ROBO1: variants seen among roughly 807,000 people sequenced by gnomAD.
ROBO1 encodes roundabout homolog 1.
Under a neutral mutation model 195.9 loss-of-function variants are expected in ROBO1, and 149 were observed. The observed-to-expected ratio is 0.76, with a 90% CI of 0.67 to 0.87. ROBO1 has a LOEUF of 0.87. Among genes scored for constraint, ROBO1 ranks in the 40% least tolerant of loss-of-function variants. The pLI is 0.00. For missense variants in ROBO1, 1,933 were observed against 2,068.3 expected (o/e 0.93, Z 1.27); for synonymous variants, 816 against 733.2 (o/e 1.11, Z -1.82).
chr3:79,433,842 A>C (rs1016041643), intron 2 of ROBO1, among the ~76,000 whole-genome samples: 3 of 152,206 alleles, frequency 2.0e-5, no homozygotes, highest in Non-Finnish European at 4.4e-5. Context: ...TGGTACTGGT[A>C]CCAAAACAGA....
In ROBO1 at chr3:79,441,400, T is replaced by C. The variant is rs181786574; in HGVS notation, c.88+148424A>G. Among the ~76,000 whole-genome samples the C allele has an allele frequency of 2.2e-3, 340 of 152,300 alleles. 1 individual carries two copies. The highest frequency in any genetic ancestry group is 7.7e-3 in the African/African-American group (320 of 41,588). ...TCTGTGTCTGTGTGATTTCAAACTATGTATTTCTGTATGGCGGCACTATTA... is the reference window on the plus strand; with the variant it reads ...TCTGTGTCTGTGTGATTTCAAACTACGTATTTCTGTATGGCGGCACTATTA... On this transcript the variant is annotated intron_variant, in intron 2 of 30. Coordinates refer to ENST00000464233, the MANE Select transcript of ROBO1 (RefSeq NM_002941.4).
chr3:79,648,575 T>C (rs1466144364), intron 1 of ROBO1, among the ~76,000 whole-genome samples: 1 of 152,026 alleles, frequency 6.6e-6, no homozygotes, highest in Non-Finnish European at 1.5e-5. Context: ...AAATAATTAA[T>C]GATAGGAGAT....
intron 3 of ROBO1, among the ~76,000 whole-genome samples, chr3:79,121,355 A>C (rs1473490583): frequency 6.6e-6 from 1 of 152,160 alleles, no homozygotes; most frequent in East Asian, 1.9e-4. Context: ...ATTTCTAAGC[A>C]TGAGACAAAA....
intron 29 of ROBO1, 90 bp downstream of exon 29, chr3:78,606,643 A>T: frequency 7.6e-7 from 1 of 1,318,886 alleles, no homozygotes; most frequent in Non-Finnish European, 1.1e-6. Flanking sequence ...TCTTAATCTT[A>T]CCACTTTTTA....
At chr3:79,186,797 T>A (rs1180738733) in intron 2 of ROBO1, among the ~76,000 whole-genome samples, 1 of 152,078 alleles carries the variant, frequency 6.6e-6, no homozygotes, top group Non-Finnish European at 1.5e-5. Context: ...ATGGCAACAG[T>A]GGGACAACTG....
chr3:79,639,479 A>T (rs914369792), intron 1 of ROBO1, among the ~76,000 whole-genome samples: 1 of 152,166 alleles, frequency 6.6e-6, no homozygotes, highest in African/African-American at 2.4e-5. Flanking sequence ...TACTAAATAC[A>T]ACCAGGTTGG....
intron 4 of ROBO1, among the ~76,000 whole-genome samples, chr3:78,755,452 C>T (rs774731198): frequency 4.6e-5 from 7 of 152,002 alleles, no homozygotes; most frequent in Non-Finnish European, 7.4e-5. Context: ...CCAGCCTGAG[C>T]AACAGAGCCA....
chr3:79,313,863 T>C (rs2033609601), intron 2 of ROBO1, among the ~76,000 whole-genome samples: 1 of 152,182 alleles, frequency 6.6e-6, no homozygotes, highest in Non-Finnish European at 1.5e-5. Flanking sequence ...TTATAAATCA[T>C]ATAGTCACTA....
At chr3:79,272,244 G>A (rs2030631497) in intron 2 of ROBO1, among the ~76,000 whole-genome samples, 1 of 151,966 alleles carries the variant, frequency 6.6e-6, no homozygotes, top group African/African-American at 2.4e-5. Flanking sequence ...TATAGAATTA[G>A]CTAATGAGAA....
At chr3:79,095,504 T>C (rs2079551113) in intron 3 of ROBO1, among the ~76,000 whole-genome samples, 1 of 152,050 alleles carries the variant, frequency 6.6e-6, no homozygotes, top group Non-Finnish European at 1.5e-5. Context: ...AAGATGAACC[T>C]CCAGCTTGAG....
At chr3:78,608,737 T>G (rs543874764) in intron 28 of ROBO1, among the ~76,000 whole-genome samples, 1 of 152,064 alleles carries the variant, frequency 6.6e-6, no homozygotes, top group African/African-American at 2.4e-5. Context: ...AAGATGTGTT[T>G]GAGATTAAGG....
At chr3:78,831,917 A>G (rs1021578875) in intron 4 of ROBO1, among the ~76,000 whole-genome samples, 7 of 152,152 alleles carry the variant, frequency 4.6e-5, no homozygotes, top group African/African-American at 9.7e-5. Context: ...CCATGATTCA[A>G]TTATCTCCCA....
At chr3:79,587,854 T>A (rs1249483069) in intron 2 of ROBO1, among the ~76,000 whole-genome samples, 1 of 151,778 alleles carries the variant, frequency 6.6e-6, no homozygotes, top group Non-Finnish European at 1.5e-5. Flanking sequence ...AAGCCAGTGC[T>A]CCTAGATGGA....
chr3:78,600,377 C>A, intron 29 of ROBO1, 68 bp from the exon 30 acceptor site: 1 of 996,678 alleles, frequency 1.0e-6, no homozygotes, highest in Non-Finnish European at 1.5e-6. Context: ...TTGTATCACT[C>A]CTGTCTATCT....
intron 2 of ROBO1, among the ~76,000 whole-genome samples, chr3:79,354,885 G>A (rs2035481760): frequency 6.6e-6 from 1 of 152,106 alleles, no homozygotes; most frequent in Non-Finnish European, 1.5e-5. Context: ...CCATGCAAGT[G>A]GGCAGAGCAT....
At chr3:78,698,679 G>A (rs1297027591) in intron 8 of ROBO1, among the ~76,000 whole-genome samples, 1 of 152,112 alleles carries the variant, frequency 6.6e-6, no homozygotes, top group Non-Finnish European at 1.5e-5. Flanking sequence ...GAATGATGTA[G>A]CACAAAATGT....
At chr3:79,015,943 A>T (rs2077921410) in intron 3 of ROBO1, among the ~76,000 whole-genome samples, 2 of 152,210 alleles carry the variant, frequency 1.3e-5, no homozygotes, top group African/African-American at 4.8e-5. Flanking sequence ...CAACCAATAG[A>T]TGCTTTTACA....
At chr3:78,948,774 C>T (rs2040601318) in intron 3 of ROBO1, among the ~76,000 whole-genome samples, 1 of 152,196 alleles carries the variant, frequency 6.6e-6, no homozygotes, top group Non-Finnish European at 1.5e-5. Context: ...CCCATCGTCT[C>T]AGCCCAAAAT....
intron 3 of ROBO1, among the ~76,000 whole-genome samples, chr3:78,977,372 T>C (rs1385869602): frequency 6.6e-6 from 1 of 152,102 alleles, no homozygotes; most frequent in Non-Finnish European, 1.5e-5. Flanking sequence ...TCAAGATATA[T>C]GATTAATTAA....
Sources: allele counts gnomAD v4.1 joint callset (sites outside exome capture counted in the v4.1 genomes callset), GRCh38; gene constraint gnomAD v4.1.1; transcripts MANE v1.5; gene names NCBI Gene and HGNC (gene_info 2026-07-23, HGNC 2026-07-21).